Variants in SLC30A4 observed in about 807,000 individuals in gnomAD.
SLC30A4 encodes the protein solute carrier family 30 member 4.
SLC30A4 carries 20 observed loss-of-function variants against 41.7 expected under a neutral mutation model. The ratio of observed to expected loss-of-function variants is 0.48; its 90% CI spans 0.34 to 0.70. The LOEUF is 0.70. Among genes scored for constraint, SLC30A4 ranks in the 30% least tolerant of loss-of-function variants. SLC30A4 has a pLI of 0.01. For synonymous variants in SLC30A4, 181 were observed against 195.9 expected (o/e 0.92, Z 0.64); for missense variants, 441 against 529.3 (o/e 0.83, Z 1.64).
chr15:45,491,499 G>T (rs1891809531), intron 3 of SLC30A4, among the ~76,000 whole-genome samples: 1 of 152,210 alleles, frequency 6.6e-6, no homozygotes, highest in Admixed American at 6.5e-5. Flanking sequence ...GGCTGAGACG[G>T]AAGGATCACT....
chr15:45,514,790 C>T (rs561612074), intron 2 of SLC30A4, among the ~76,000 whole-genome samples: 38 of 152,254 alleles, frequency 2.5e-4, no homozygotes, highest in Non-Finnish European at 3.4e-4. Flanking sequence ...GCTAGGATTA[C>T]AGGCATGAGC....
Position 45,522,073 on chromosome 15 carries a change from G to T in SLC30A4, c.282C>A (p.Ser94=), listed in dbSNP as rs146908550. The change falls in exon 2 of 8, where the codon TCC becomes TCA. Residue 94 remains serine, a synonymous_variant. Transcript: ENST00000261867. The part of the protein sequence containing the change: ...TNSQLSLKVD[S]CDNCSKQREI... The stretch of plus-strand genomic sequence containing the variant: ...CTCTCTGTTTGCTGCAGTTGTCACA[G>T]GAGTCCACCTTCAAACTCAGCTGAC... 154 of 1,614,216 alleles carry T rather than the reference G, an allele frequency of 9.5e-5. No homozygotes were observed. In the African/African-American group the frequency reaches 1.8e-3, roughly 19 times the overall value.
chr15:45,493,838 C>T (rs372162418), intron 3 of SLC30A4, among the ~76,000 whole-genome samples: 9 of 150,908 alleles, frequency 6.0e-5, no homozygotes, highest in African/African-American at 1.9e-4. Context: ...AAAACAAAAA[C>T]AAAAAAAACA....
intron 3 of SLC30A4, among the ~76,000 whole-genome samples, chr15:45,492,184 C>T (rs1220082049): frequency 1.4e-5 from 2 of 141,780 alleles, no homozygotes; most frequent in East Asian, 4.3e-4. Flanking sequence ...ATCTACAAGG[C>T]TTTCACTGTA....
At position 45,522,400 on chromosome 15, in the gene SLC30A4, G is replaced by C. The variant is rs759074915; in HGVS notation, c.-46C>G. 5 of 1,522,088 alleles carry C rather than the reference G, an allele frequency of 3.3e-6. No homozygotes were observed. Among genetic ancestry groups the C allele is most frequent in the Non-Finnish European group, 4.4e-6 (5 of 1,142,016 alleles). The allele number at this position is 1,522,088 out of a possible 1,614,324, so 94.3% of individuals were successfully genotyped here. ...GGTGCGGAACGGCTTGGGGGAGGCG[G>C]ACGGCCGGCGGCGCCTACTTCACCG... On this transcript the variant is annotated 5_prime_UTR_variant, in exon 2 of 8. Transcript: ENST00000261867.
rs1274849037 is a variant in SLC30A4, at chr15:45,481,237, G to C, written c.*3926C>G. Reference sequence around the variant, plus strand: ...GTGATGTGGCAAAAAAACACTGATGGGAACTCTAAGTTGTAAAAATCTGCA... The same window carrying C: ...GTGATGTGGCAAAAAAACACTGATGCGAACTCTAAGTTGTAAAAATCTGCA... On this transcript the variant is annotated 3_prime_UTR_variant, in exon 8 of 8. Coordinates refer to ENST00000261867, the MANE Select transcript of SLC30A4 (RefSeq NM_013309.6). 1.3e-5 allele frequency: 2 copies of C among 152,060 alleles called. No homozygotes were observed. Among genetic ancestry groups the C allele is most frequent in the African/African-American group, 4.8e-5 (2 of 41,412 alleles). The allele number at this position is 152,060 out of a possible 1,614,324, so 9.4% of individuals were successfully genotyped here. A position where few individuals can be genotyped will look rare whatever the true frequency, so the allele number is the denominator to read the frequency against.
At chr15:45,509,505 C>T (rs1467070602) in intron 3 of SLC30A4, among the ~76,000 whole-genome samples, 5 of 152,172 alleles carry the variant, frequency 3.3e-5, no homozygotes, top group South Asian at 2.1e-4. Context: ...CCGCCCACCT[C>T]GGCCTCCCAA....
intron 3 of SLC30A4, among the ~76,000 whole-genome samples, chr15:45,496,871 AAATAAAAT>A (rs1360447664): frequency 2.7e-5 from 4 of 145,876 alleles, no homozygotes; most frequent in African/African-American, 1.1e-4. Flanking sequence ...ATAAATAAAT[AAATAAAAT>A]AAATAGGTGT....
intron 3 of SLC30A4, among the ~76,000 whole-genome samples, chr15:45,494,570 A>C (rs1891873702): frequency 6.6e-6 from 1 of 152,172 alleles, no homozygotes; most frequent in Non-Finnish European, 1.5e-5. Context: ...CTGTAATCCC[A>C]GCTACTCAGG....
chr15:45,509,404 C>A (rs1199852814), intron 3 of SLC30A4, among the ~76,000 whole-genome samples: 1 of 152,002 alleles, frequency 6.6e-6, no homozygotes, highest in Admixed American at 6.6e-5. Flanking sequence ...CAGGCGTGCA[C>A]CACCATGCCC....
intron 3 of SLC30A4, among the ~76,000 whole-genome samples, 195 bp downstream of exon 3, chr15:45,510,943 T>C (rs1019798826): frequency 1.3e-5 from 2 of 152,250 alleles, no homozygotes; most frequent in African/African-American, 4.8e-5. Context: ...CATATAATTT[T>C]ATATGTGTAA....
intron 7 of SLC30A4, 128 bp from the exon 8 acceptor site, chr15:45,485,445 C>T: frequency 1.6e-6 from 1 of 632,532 alleles, no homozygotes; most frequent in Non-Finnish European, 2.6e-6. Context: ...CCTCTCTAAG[C>T]TATTCTGTTA....
chr15:45,499,015 G>C (rs897496710), intron 3 of SLC30A4, among the ~76,000 whole-genome samples: 7 of 151,484 alleles, frequency 4.6e-5, no homozygotes, highest in African/African-American at 1.5e-4. Context: ...TTTCTGCTCA[G>C]TAAAACTATG....
chr15:45,494,071 C>G (rs1021429865), intron 3 of SLC30A4, among the ~76,000 whole-genome samples: 3 of 152,084 alleles, frequency 2.0e-5, no homozygotes, highest in Admixed American at 1.3e-4. Flanking sequence ...AGACTATACA[C>G]TCTTTGAGGA....
Position 45,488,977 on chromosome 15 carries a change from G to A in SLC30A4, c.758C>T (p.Ser253Phe). The change falls in exon 5 of 8, where the codon TCC (serine) becomes TTC (phenylalanine). Residue 253 changes from serine (S) to phenylalanine (F), a missense_variant. Around this residue, in one of 3 missense-constraint regions of SLC30A4, gnomAD observed 312 missense variants for 341.9 expected, o/e 0.91. Transcript: ENST00000261867. ...TTCACACCCAGAACCTCTGGTAGGGGAATTTGAAGGCAGGGAGTGGGAATG... is the reference window on the plus strand; with the variant it reads ...TTCACACCCAGAACCTCTGGTAGGGAAATTTGAAGGCAGGGAGTGGGAATG... ...HSHSHSLPSN[S>F]PTRGSGCERN... 1 of 1,614,062 alleles carries A rather than the reference G, an allele frequency of 6.2e-7. No homozygotes were observed. The highest frequency in any genetic ancestry group is 8.5e-7 in the Non-Finnish European group (1 of 1,179,910).
chr15:45,522,399 G>T lies in SLC30A4; in HGVS notation c.-45C>A. 2 of 1,526,164 alleles carry T rather than the reference G, an allele frequency of 1.3e-6. No individual in the cohort carries two copies. Among genetic ancestry groups the T allele is most frequent in the South Asian group, 2.5e-5 (2 of 78,616 alleles). The allele number at this position is 1,526,164 out of a possible 1,614,324, so 94.5% of individuals were successfully genotyped here. On this transcript the variant is annotated 5_prime_UTR_variant, in exon 2 of 8. Coordinates refer to ENST00000261867, the MANE Select transcript of SLC30A4 (RefSeq NM_013309.6). ...CGGTGCGGAACGGCTTGGGGGAGGC[G>T]GACGGCCGGCGGCGCCTACTTCACC...
chr15:45,486,942 TAATA>T (rs1891715373), intron 6 of SLC30A4, among the ~76,000 whole-genome samples, 197 bp from the exon 7 acceptor site: 1 of 151,346 alleles, frequency 6.6e-6, no homozygotes, highest in Non-Finnish European at 1.5e-5. Flanking sequence ...TACAAGAGGG[TAATA>T]CATACTTTAA....
At chr15:45,500,664 AT>A in intron 3 of SLC30A4, among the ~76,000 whole-genome samples, 1 of 131,982 alleles carries the variant, frequency 7.6e-6, no homozygotes, top group South Asian at 2.3e-4. Flanking sequence ...ATCTATCTAT[AT>A]GTTTTTGTTT....
intron 3 of SLC30A4, among the ~76,000 whole-genome samples, chr15:45,503,498 C>A (rs2140833307): frequency 6.6e-6 from 1 of 152,050 alleles, no homozygotes; most frequent in East Asian, 1.9e-4. Context: ...CGCCTGTAGT[C>A]CCAGCTACTC....
Sources: allele counts gnomAD v4.1 joint callset (sites outside exome capture counted in the v4.1 genomes callset), GRCh38; gene constraint gnomAD v4.1.1; regional missense constraint gnomAD v4.1.1; transcripts MANE v1.5; gene names NCBI Gene and HGNC (gene_info 2026-07-23, HGNC 2026-07-21).